FOXP2: variants seen among roughly 807,000 people sequenced by gnomAD.
FOXP2 encodes the protein forkhead box P2, also known as forkhead box protein P2.
Under a neutral mutation model 115.8 loss-of-function variants are expected in FOXP2, and 12 were observed. The ratio of observed to expected loss-of-function variants is 0.10; its 90% CI spans 0.07 to 0.17. The LOEUF (loss-of-function observed/expected upper bound fraction) is 0.17, where lower values mean the gene tolerates loss of function less well. FOXP2 is among the 10% of genes least tolerant of loss of function. The pLI, the probability that FOXP2 is intolerant of heterozygous loss-of-function variation, is 1.00. For missense variants in FOXP2, 629 were observed against 843.5 expected (o/e 0.75, Z 3.15); for synonymous variants, 328 against 297.7 (o/e 1.10, Z -1.05).
chr7:114,654,253 C>T (rs1007669387), intron 10 of FOXP2: 2 of 863,886 alleles, frequency 2.3e-6, no homozygotes, highest in African/African-American at 3.4e-5. Flanking sequence ...GTGCACAAAT[C>T]ACTGCCTTGG....
At chr7:114,526,195 A>AC (rs1554410537) in intron 2 of FOXP2, among the ~76,000 whole-genome samples, 41 of 147,118 alleles carry the variant, frequency 2.8e-4, no homozygotes, top group African/African-American at 9.3e-4. Flanking sequence ...AAAAAAAAAA[A>AC]GGGCCGGACG....
chr7:114,147,409 G>A (rs1197392525), intron 1 of FOXP2, among the ~76,000 whole-genome samples: 1 of 152,124 alleles, frequency 6.6e-6, no homozygotes, highest in Admixed American at 6.5e-5. Flanking sequence ...TTAGTGCCAT[G>A]ATGTAGTGAA....
chr7:114,607,259 T>TA (rs1803380817), intron 3 of FOXP2, among the ~76,000 whole-genome samples: 1 of 152,152 alleles, frequency 6.6e-6, no homozygotes, highest in Non-Finnish European at 1.5e-5. Context: ...AGTGCAAGGC[T>TA]AGATATATCA....
intron 1 of FOXP2, among the ~76,000 whole-genome samples, chr7:114,138,046 C>G (rs1329962480): frequency 6.6e-6 from 1 of 151,882 alleles, no homozygotes; most frequent in East Asian, 1.9e-4. Flanking sequence ...TAAGGAAATG[C>G]TTTTTTAAAA....
chr7:114,246,233 T>C (rs1305288950), intron 1 of FOXP2, among the ~76,000 whole-genome samples: 1 of 152,096 alleles, frequency 6.6e-6, no homozygotes, highest in African/African-American at 2.4e-5. Context: ...ATAAGAGCAG[T>C]TTTCAAAGAG....
At chr7:114,108,963 C>A (rs994858848) in intron 1 of FOXP2, among the ~76,000 whole-genome samples, 3 of 151,900 alleles carry the variant, frequency 2.0e-5, no homozygotes, top group African/African-American at 7.2e-5. Flanking sequence ...ACATATGAAA[C>A]ACTCACAAGG....
At position 114,628,871 on chromosome 7, in the gene FOXP2, T is replaced by G; in HGVS notation, c.396+194T>G. On this transcript the variant is annotated intron_variant, in intron 4 of 16. Transcript: ENST00000350908. The stretch of plus-strand genomic sequence containing the variant: ...TAGATTGCTTATTTTTTTAAAAAAA[T>G]TATTAAAGTCTAGAATAAGAGCAGA... 1.4e-5 allele frequency: 9 copies of G among 640,194 alleles called. No individual in the cohort carries two copies. The South Asian group carries it at 1.8e-4, about 13-fold the overall frequency. 39.7% of individuals were successfully genotyped at this position (640,194 alleles called of 1,614,324 possible).
chr7:114,396,803 T>C (rs1792756936), intron 2 of FOXP2, among the ~76,000 whole-genome samples: 1 of 152,062 alleles, frequency 6.6e-6, no homozygotes, highest in Admixed American at 6.6e-5. Context: ...GAATATAATG[T>C]ATTCTTGAAA....
intron 2 of FOXP2, among the ~76,000 whole-genome samples, chr7:114,491,728 T>C (rs945964774): frequency 7.9e-5 from 12 of 152,348 alleles, no homozygotes; most frequent in African/African-American, 2.9e-4. Flanking sequence ...GATTTGCGTA[T>C]GTTGAACCAG....
chr7:114,227,794 A>G (rs1794778199), intron 1 of FOXP2, among the ~76,000 whole-genome samples: 1 of 152,040 alleles, frequency 6.6e-6, no homozygotes, highest in Admixed American at 6.6e-5. Flanking sequence ...TAAACTAGAC[A>G]TGAAGCAGCG....
intron 2 of FOXP2, among the ~76,000 whole-genome samples, chr7:114,346,425 C>G (rs1791349352): frequency 6.6e-6 from 1 of 151,696 alleles, no homozygotes; most frequent in Non-Finnish European, 1.5e-5. Context: ...AATCCTATTA[C>G]TGAGTGTATA....
intron 1 of FOXP2, among the ~76,000 whole-genome samples, chr7:114,232,167 C>G (rs1408332770): frequency 1.3e-5 from 2 of 152,100 alleles, no homozygotes; most frequent in Non-Finnish European, 2.9e-5. Flanking sequence ...AATACCACCT[C>G]ACACCTGTTA....
intron 2 of FOXP2, among the ~76,000 whole-genome samples, chr7:114,296,916 T>C (rs763530387): frequency 9.9e-5 from 15 of 152,194 alleles, no homozygotes; most frequent in Admixed American, 5.2e-4. Context: ...ATCTTGTAGT[T>C]TCTCCAAATT....
chr7:114,176,336 T>TTC lies in FOXP2; in HGVS notation c.-102+13264_-102+13265dup, dbSNP rs1186084127. Among the ~76,000 whole-genome samples, 12 of 135,906 alleles carry TTC rather than the reference T, an allele frequency of 8.8e-5. No homozygotes were observed. The East Asian group carries it at 1.0e-3, about 11-fold the overall frequency. 89.2% of individuals were successfully genotyped at this position (135,906 alleles called of 152,430 possible). ...TCTCTCTCTCTTTCTTTTTCTTTCT[T>TTC]TCTCTCTCTCTCTCTCTTTCTTGAC... On this transcript the variant is annotated intron_variant, in intron 1 of 17. Transcript: ENST00000634411.
intron 1 of FOXP2, among the ~76,000 whole-genome samples, chr7:114,244,400 T>C (rs1017769259): frequency 4.6e-5 from 7 of 152,178 alleles, no homozygotes; most frequent in Non-Finnish European, 8.8e-5. Context: ...CTCCTTAAGC[T>C]CCTCTTGGAT....
intron 1 of FOXP2, among the ~76,000 whole-genome samples, chr7:114,144,594 C>G (rs1463705764): frequency 4.6e-5 from 7 of 152,022 alleles, no homozygotes; most frequent in Non-Finnish European, 7.4e-5. Context: ...AAAATATTTT[C>G]TGACATATTA....
chr7:114,467,034 C>G (rs1795829969), intron 2 of FOXP2, among the ~76,000 whole-genome samples: 1 of 152,204 alleles, frequency 6.6e-6, no homozygotes, highest in South Asian at 2.1e-4. Flanking sequence ...TCACCACAGT[C>G]AGTTCCTGGA....
At position 114,585,027 on chromosome 7, in the gene FOXP2, C is replaced by T. The variant is rs116558510; in HGVS notation, c.259-43513C>T. ...TTCATAATGCTTAATCTAAACACCT[C>T]TTCATAGAATCAAAAACGAAGTATA... On this transcript the variant is annotated intron_variant, in intron 3 of 16. Coordinates refer to ENST00000350908, the MANE Select transcript of FOXP2 (RefSeq NM_014491.4). Among the ~76,000 whole-genome samples the T allele has an allele frequency of 1.2e-3, 190 of 152,282 alleles. 1 individual carries two copies. The highest frequency in any genetic ancestry group is 4.3e-3 in the African/African-American group (179 of 41,558).
intron 2 of FOXP2, among the ~76,000 whole-genome samples, chr7:114,388,330 T>C (rs1430389952): frequency 1.3e-5 from 2 of 151,526 alleles, no homozygotes; most frequent in Non-Finnish European, 1.5e-5. Flanking sequence ...AAAAAAAAAA[T>C]GGTCTAAAAT....
Sources: gnomAD v4.1 joint callset for allele counts (sites outside exome capture counted in the v4.1 genomes callset) on GRCh38, gnomAD v4.1.1 for gene constraint, MANE v1.5 for transcripts, NCBI Gene and HGNC (gene_info 2026-07-23, HGNC 2026-07-21) for gene names.